Variants in SLC25A21 observed in about 807,000 individuals in gnomAD.
The protein encoded by SLC25A21 is mitochondrial 2-oxodicarboxylate carrier.
In SLC25A21, 47 loss-of-function variants were observed where a neutral mutation model predicts 43.8. The observed-to-expected ratio is 1.07, with a 90% CI of 0.85 to 1.37. The LOEUF is 1.37. SLC25A21 is among the 40% of genes most tolerant of loss of function. The probability of loss-of-function intolerance (pLI) is 0.00; values close to 1 mark genes in which losing one functional copy is unlikely to be tolerated. For synonymous variants in SLC25A21, 131 were observed against 121.3 expected (o/e 1.08, Z -0.52); for missense variants, 352 against 350.2 (o/e 1.00, Z -0.04).
At chr14:37,036,141 A>C (rs1961321285) in intron 1 of SLC25A21, among the ~76,000 whole-genome samples, 1 of 152,214 alleles carries the variant, frequency 6.6e-6, no homozygotes. Flanking sequence ...CAATGATAAC[A>C]CTAAATACAA....
At chr14:36,922,550 T>C (rs1405440853) in intron 1 of SLC25A21, among the ~76,000 whole-genome samples, 2 of 151,888 alleles carry the variant, frequency 1.3e-5, no homozygotes, top group Non-Finnish European at 2.9e-5. Flanking sequence ...TTTTTTTTTT[T>C]TGTTAAATTG....
chr14:36,718,605 T>C (rs889909517), intron 6 of SLC25A21, among the ~76,000 whole-genome samples: 2 of 152,208 alleles, frequency 1.3e-5, no homozygotes, highest in African/African-American at 4.8e-5. Flanking sequence ...GTTTAAACAT[T>C]TGTTGATCTT....
chr14:37,077,423 G>T (rs563183056), intron 1 of SLC25A21, among the ~76,000 whole-genome samples: 1 of 152,086 alleles, frequency 6.6e-6, no homozygotes, highest in South Asian at 2.1e-4. Context: ...CCCTTTACTT[G>T]ACTACCTTCA....
At chr14:36,751,869 G>T (rs984977818) in intron 3 of SLC25A21, among the ~76,000 whole-genome samples, 3 of 152,220 alleles carry the variant, frequency 2.0e-5, no homozygotes, top group African/African-American at 7.2e-5. Context: ...ATGGAAAGGT[G>T]ATCTTTACTT....
chr14:36,853,881 T>C (rs1889819347), intron 2 of SLC25A21, among the ~76,000 whole-genome samples: 1 of 152,204 alleles, frequency 6.6e-6, no homozygotes, highest in Non-Finnish European at 1.5e-5. Flanking sequence ...GAGAGCACAG[T>C]CCATCTAGTC....
intron 1 of SLC25A21, among the ~76,000 whole-genome samples, chr14:37,074,930 T>C (rs1016225618): frequency 6.6e-6 from 1 of 152,180 alleles, no homozygotes; most frequent in Non-Finnish European, 1.5e-5. Flanking sequence ...GGGCCTGGTA[T>C]TGGAGAGCAC....
chr14:37,003,110 A>G (rs1276943772), intron 1 of SLC25A21, among the ~76,000 whole-genome samples: 1 of 152,188 alleles, frequency 6.6e-6, no homozygotes, highest in Non-Finnish European at 1.5e-5. Context: ...TATACACACT[A>G]CATCTTTTTC....
intron 1 of SLC25A21, among the ~76,000 whole-genome samples, chr14:37,154,509 C>T (rs1186980158): frequency 6.6e-6 from 1 of 152,046 alleles, no homozygotes; most frequent in Non-Finnish European, 1.5e-5. Context: ...CAACAATTCT[C>T]CAGTAACAGT....
chr14:36,794,209 G>A (rs1887592639), intron 3 of SLC25A21, among the ~76,000 whole-genome samples: 1 of 152,050 alleles, frequency 6.6e-6, no homozygotes, highest in Admixed American at 6.6e-5. Context: ...TGCCAACAAG[G>A]GAGCAGAAAT....
chr14:36,831,373 T>G (rs964032911), intron 2 of SLC25A21, among the ~76,000 whole-genome samples: 1 of 152,238 alleles, frequency 6.6e-6, no homozygotes, highest in South Asian at 2.1e-4. Context: ...TACTTTGTAC[T>G]TTTAAAAATG....
At chr14:37,116,317 G>T (rs889806890) in intron 1 of SLC25A21, among the ~76,000 whole-genome samples, 87 of 152,084 alleles carry the variant, frequency 5.7e-4, no homozygotes, top group African/African-American at 1.7e-3. Context: ...TTCTCAGTTG[G>T]AATTTACAAT....
chr14:36,792,527 T>C (rs1354091806), intron 3 of SLC25A21, among the ~76,000 whole-genome samples: 2 of 152,120 alleles, frequency 1.3e-5, no homozygotes, highest in African/African-American at 2.4e-5. Context: ...AATAGAAAGA[T>C]TGGTTTGCGA....
chr14:37,083,615 G>A (rs12433348), intron 1 of SLC25A21, among the ~76,000 whole-genome samples: 77,827 of 152,090 alleles, frequency 0.51, 22,943 homozygotes, highest in South Asian at 0.66. Flanking sequence ...AAATTTAAAT[G>A]AAGTCTGTCT....
chr14:36,729,597 T>C (rs1319133997), intron 4 of SLC25A21, 31 bp from the exon 5 acceptor site: 3 of 1,582,382 alleles, frequency 1.9e-6, no homozygotes, highest in African/African-American at 2.7e-5. Context: ...CACAGATTTA[T>C]AACAATTTTC....
chr14:36,711,281 A>AT, intron 7 of SLC25A21, 37 bp downstream of exon 7: 1 of 1,598,334 alleles, frequency 6.3e-7, no homozygotes, highest in Non-Finnish European at 8.6e-7. Flanking sequence ...CACTGATAGG[A>AT]TTTTTCCTCC....
chr14:36,875,120 T>A (rs1890483020), intron 1 of SLC25A21, 116 bp from the exon 2 acceptor site: 4 of 670,038 alleles, frequency 6.0e-6, no homozygotes, highest in Non-Finnish European at 1.0e-5. Flanking sequence ...GGACTTCGGA[T>A]ATGACAGCTA....
intron 2 of SLC25A21, among the ~76,000 whole-genome samples, chr14:36,819,420 TGC>T (rs1888555042): frequency 6.6e-6 from 1 of 152,204 alleles, no homozygotes; most frequent in Admixed American, 6.5e-5. Context: ...GAATCATGAC[TGC>T]AGCATTTCGC....
At chr14:36,833,381 A>G (rs1405664598) in intron 2 of SLC25A21, among the ~76,000 whole-genome samples, 1 of 152,190 alleles carries the variant, frequency 6.6e-6, no homozygotes, top group East Asian at 1.9e-4. Context: ...AGCACAGAAA[A>G]GGGCCTTGTT....
At chr14:37,011,438 T>C (rs1228084491) in intron 1 of SLC25A21, among the ~76,000 whole-genome samples, 2 of 152,228 alleles carry the variant, frequency 1.3e-5, no homozygotes, top group Non-Finnish European at 2.9e-5. Flanking sequence ...TTGTGATTCA[T>C]GAGAAAAACT....
Sources: gnomAD v4.1 joint callset for allele counts (sites outside exome capture counted in the v4.1 genomes callset) on GRCh38, gnomAD v4.1.1 for gene constraint, MANE v1.5 for transcripts, NCBI Gene and HGNC (gene_info 2026-07-23, HGNC 2026-07-21) for gene names.